The following SCGB3A2 variants were observed in gnomAD, a reference collection of about 807,000 sequenced individuals.
SCGB3A2 encodes the protein secretoglobin family 3A member 2.
A neutral mutation model predicts 7.7 loss-of-function variants in SCGB3A2; 5 were observed. The observed-to-expected ratio is 0.65, with a 90% CI of 0.34 to 1.36. The LOEUF is 1.36. SCGB3A2 is among the 40% of genes most tolerant of loss of function. The probability of loss-of-function intolerance (pLI) is 0.04; values close to 1 mark genes in which losing one functional copy is unlikely to be tolerated. For missense variants in SCGB3A2, 109 were observed against 103.6 expected (o/e 1.05, Z -0.23); for synonymous variants, 44 against 42.7 (o/e 1.03, Z -0.12).
chr5:147,880,360 C>G lies in SCGB3A2; in HGVS notation c.56-1086C>G, dbSNP rs1217943437. ...CCTCAGGAAAAAAAAATCCAAACTC[C>G]TTTGTGTGACATCCAACACTTTAAA... On this transcript the variant is annotated intron_variant, in intron 1 of 2. Coordinates refer to ENST00000296694, the MANE Select transcript of SCGB3A2 (RefSeq NM_054023.5). 2.0e-5 allele frequency among the ~76,000 whole-genome samples: 3 copies of G among 152,116 alleles called. No homozygotes were observed. The East Asian group carries it at 5.8e-4, about 29-fold the overall frequency.
At position 147,878,813 on chromosome 5, in the gene SCGB3A2, G is replaced by GT. The variant is rs1561624207; in HGVS notation, c.11dup (p.Thr5AsnfsTer12). On this transcript the variant is annotated frameshift_variant, in exon 1 of 3. Coordinates refer to ENST00000296694, the MANE Select transcript of SCGB3A2 (RefSeq NM_054023.5). LOFTEE classifies it high-confidence loss of function. ...ATCCCAGATAACTGTCATGAAGCTG[G>GT]TAACTATCTTCCTGCTGGTGACCAT... 1 of 1,612,792 alleles carries GT rather than the reference G, an allele frequency of 6.2e-7. No homozygotes were observed. Among genetic ancestry groups the GT allele is most frequent in the South Asian group, 1.1e-5 (1 of 91,032 alleles).
intron 1 of SCGB3A2, 32 bp from the exon 2 acceptor site, chr5:147,881,414 C>T: frequency 6.4e-7 from 1 of 1,551,062 alleles, no homozygotes; most frequent in Middle Eastern, 1.7e-4. Flanking sequence ...CCCAGATGTG[C>T]CTGTCTCACC....
In SCGB3A2 at chr5:147,878,828, C is replaced by A; in HGVS notation, c.25C>A (p.Leu9Met). ...CATGAAGCTGGTAACTATCTTCCTG[C>A]TGGTGACCATCAGCCTTTGTAGTTA... MKLVTIFL[L>M]VTISLCSYSA... The change falls in exon 1 of 3, where the codon CTG (leucine) becomes ATG (methionine). Residue 9 changes from leucine (L) to methionine (M), a missense_variant. Transcript: ENST00000296694. The A allele has an allele frequency of 1.2e-6, 2 of 1,612,692 alleles. No individual in the cohort carries two copies. Among genetic ancestry groups the A allele is most frequent in the East Asian group, 2.2e-5 (1 of 44,872 alleles).
In SCGB3A2 at chr5:147,878,900, A is replaced by G. The variant is rs144571393; in HGVS notation, c.55+42A>G. Reference sequence around the variant, plus strand: ...CATCTGGAATATGTGACATTTCTTTACTTTTCTGTTAATAAGAGCACAACT... The same window carrying G: ...CATCTGGAATATGTGACATTTCTTTGCTTTTCTGTTAATAAGAGCACAACT... On this transcript the variant is annotated intron_variant, in intron 1 of 2. Transcript: ENST00000296694. 1.5e-4 allele frequency: 208 copies of G among 1,434,130 alleles called. No individual in the cohort carries two copies. In the African/African-American group the frequency reaches 2.8e-3, roughly 19 times the overall value. The allele number at this position is 1,434,130 out of a possible 1,614,324, so 88.8% of individuals were successfully genotyped here. A position where few individuals can be genotyped will look rare whatever the true frequency, so the allele number is the denominator to read the frequency against.
intron 1 of SCGB3A2, chr5:147,880,777 T>A (rs1055392762): frequency 6.6e-6 from 1 of 152,564 alleles, no homozygotes. Context: ...TGAATGGGCA[T>A]CCTTGTCTTA....
intron 2 of SCGB3A2, 65 bp downstream of exon 2, chr5:147,881,713 CTCT>C: frequency 2.4e-6 from 3 of 1,245,928 alleles, no homozygotes; most frequent in Non-Finnish European, 2.3e-6. Context: ...TGTCTAGCTC[CTCT>C]TCTTGTCCCT....
In SCGB3A2 at chr5:147,880,188, CAT is replaced by C. The variant is rs562528576; in HGVS notation, c.56-1257_56-1256del. On this transcript the variant is annotated intron_variant, in intron 1 of 2. Transcript: ENST00000296694. ...GCATGTGTGCATTTATATATCTGCA[CAT>C]GTTTTTGTAAAAAATACATCGTACA... Among the ~76,000 whole-genome samples the C allele has an allele frequency of 5.1e-3, 779 of 152,290 alleles. 8 individuals carry two copies. The highest frequency in any genetic ancestry group is 0.017 in the Middle Eastern group (5 of 294).
At position 147,878,815 on chromosome 5, in the gene SCGB3A2, A is replaced by G. The variant is rs1161890501; in HGVS notation, c.12A>G (p.Val4=). The change falls in exon 1 of 3, where the codon GTA becomes GTG. Residue 4 remains valine, a synonymous_variant. Coordinates refer to ENST00000296694, the MANE Select transcript of SCGB3A2 (RefSeq NM_054023.5). The part of the protein sequence containing the change: MKL[V]TIFLLVTISL... ...CCCAGATAACTGTCATGAAGCTGGT[A>G]ACTATCTTCCTGCTGGTGACCATCA... 1 of 1,612,908 alleles carries G rather than the reference A, an allele frequency of 6.2e-7. No homozygotes were observed. Among genetic ancestry groups the G allele is most frequent in the Non-Finnish European group, 8.5e-7 (1 of 1,178,940 alleles).
At chr5:147,881,289 T>G (rs1258966451) in intron 1 of SCGB3A2, among the ~76,000 whole-genome samples, 157 bp from the exon 2 acceptor site, 1 of 152,038 alleles carries the variant, frequency 6.6e-6, no homozygotes, top group Non-Finnish European at 1.5e-5. Flanking sequence ...TCTAGGGAGA[T>G]GGAACAGCAG....
At chr5:147,879,870 G>A (rs1314752431) in intron 1 of SCGB3A2, among the ~76,000 whole-genome samples, 1 of 152,142 alleles carries the variant, frequency 6.6e-6, no homozygotes, top group Non-Finnish European at 1.5e-5. Context: ...GATGTTTATT[G>A]AATTTCTGAA....
At chr5:147,878,889 G>A (rs749205893) in intron 1 of SCGB3A2, 31 bp downstream of exon 1, 1 of 1,519,366 alleles carries the variant, frequency 6.6e-7, no homozygotes, top group Non-Finnish European at 9.1e-7. Context: ...TGGAATATGT[G>A]ACATTTCTTT....
Position 147,881,581 on chromosome 5 carries a change from T to C in SCGB3A2, c.191T>C (p.Val64Ala), listed in dbSNP as rs1580975407. ...KTLGISVEHL[V>A]EGLRKCVNEL... ...CTGGGCATTTCTGTTGAGCACCTTGTGGAGGGGCTAAGGAAGTGTGTAAAT... is the reference window on the plus strand; with the variant it reads ...CTGGGCATTTCTGTTGAGCACCTTGCGGAGGGGCTAAGGAAGTGTGTAAAT... The change falls in exon 2 of 3, where the codon GTG becomes GCG. Residue 64 changes from valine to alanine, a missense_variant. Coordinates refer to ENST00000296694, the MANE Select transcript of SCGB3A2 (RefSeq NM_054023.5). 6.8e-6 allele frequency: 11 copies of C among 1,613,988 alleles called. No individual in the cohort carries two copies. Among genetic ancestry groups the C allele is most frequent in the Non-Finnish European group, 5.9e-6 (7 of 1,179,910 alleles).
At chr5:147,879,572 T>G (rs912829637) in intron 1 of SCGB3A2, among the ~76,000 whole-genome samples, 1 of 152,164 alleles carries the variant, frequency 6.6e-6, no homozygotes, top group African/African-American at 2.4e-5. Context: ...TAGTTTAATT[T>G]TCAGGTAAGG....
intron 1 of SCGB3A2, among the ~76,000 whole-genome samples, chr5:147,880,191 G>A (rs946947652): frequency 6.6e-6 from 1 of 150,596 alleles, no homozygotes. Flanking sequence ...ATCTGCACAT[G>A]TTTTTGTAAA....
chr5:147,880,778 C>T (rs903956041), intron 1 of SCGB3A2: 1 of 152,512 alleles, frequency 6.6e-6, no homozygotes, highest in East Asian at 1.9e-4. Context: ...GAATGGGCAT[C>T]CTTGTCTTAT....
In SCGB3A2 at chr5:147,881,576, C is replaced by T. The variant is rs1404730575; in HGVS notation, c.186C>T (p.His62=). 6.2e-7 allele frequency: 1 copy of T among 1,613,964 alleles called. No individual in the cohort carries two copies. Residue 62 remains histidine, a synonymous_variant, in exon 2 of 3, where the codon CAC becomes CAT. Transcript: ENST00000296694. ...LLKTLGISVE[H]LVEGLRKCVN... is the part of the protein sequence containing the mutation. The stretch of plus-strand genomic sequence containing the variant: ...AAACTCTGGGCATTTCTGTTGAGCA[C>T]CTTGTGGAGGGGCTAAGGAAGTGTG...
In SCGB3A2 at chr5:147,878,742, T is replaced by C; in HGVS notation, c.-62T>C. The C allele has an allele frequency of 7.7e-7, 1 of 1,296,124 alleles. No homozygotes were observed. The highest frequency in any genetic ancestry group is 1.1e-6 in the Non-Finnish European group (1 of 889,996). The allele number at this position is 1,296,124 out of a possible 1,614,324, so 80.3% of individuals were successfully genotyped here. ...TGTATGGCAAGTGGAACCACTGGCT[T>C]GGTGGATTTTGCTAGATTTTTCTGA... On this transcript the variant is annotated 5_prime_UTR_variant, in exon 1 of 3. Transcript: ENST00000296694.
chr5:147,882,169 G>A lies in SCGB3A2; in HGVS notation c.*119G>A. Reference sequence around the variant, plus strand: ...CCTAAAATGTAGTGACCCGTGAAAAGGACAAATAAAGCAATGAATACATTT... The same window carrying A: ...CCTAAAATGTAGTGACCCGTGAAAAAGACAAATAAAGCAATGAATACATTT... On this transcript the variant is annotated 3_prime_UTR_variant, in exon 3 of 3. Coordinates refer to ENST00000296694, the MANE Select transcript of SCGB3A2 (RefSeq NM_054023.5). The A allele has an allele frequency of 1.0e-6, 1 of 1,003,112 alleles. No individual in the cohort carries two copies. Among genetic ancestry groups the A allele is most frequent in the Non-Finnish European group, 1.6e-6 (1 of 635,262 alleles). The allele number at this position is 1,003,112 out of a possible 1,614,324, so 62.1% of individuals were successfully genotyped here. A position where few individuals can be genotyped will look rare whatever the true frequency, so the allele number is the denominator to read the frequency against.
intron 1 of SCGB3A2, 114 bp downstream of exon 1, chr5:147,878,972 ATTT>A: frequency 1.4e-6 from 1 of 697,048 alleles, no homozygotes; most frequent in Non-Finnish European, 2.5e-6. Context: ...TAGGAATTGT[ATTT>A]TTTTTTATTT....
Sources: allele counts gnomAD v4.1 joint callset (sites outside exome capture counted in the v4.1 genomes callset), GRCh38; gene constraint gnomAD v4.1.1; transcripts MANE v1.5; gene names NCBI Gene and HGNC (gene_info 2026-07-23, HGNC 2026-07-21).